The following AP3B1 variants were observed in gnomAD, a reference collection of about 807,000 sequenced individuals.
AP3B1 encodes the protein adaptor related protein complex 3 subunit beta 1.
In AP3B1, 61 loss-of-function variants were observed where a neutral mutation model predicts 132.5. That is an observed-to-expected ratio of 0.46 (90% CI 0.37 to 0.57). The LOEUF is 0.57. Ranked by LOEUF, AP3B1 falls within the 20% of genes least tolerant of loss-of-function variation. The pLI is 0.00. For missense variants in AP3B1, 1,120 were observed against 1,289.4 expected, an observed-to-expected ratio of 0.87 and a Z score of 2.01; for synonymous variants, 388 against 438.3, an observed-to-expected ratio of 0.89 and a Z score of 1.43.
At chr5:78,225,882 A>G (rs116145974) in intron 5 of AP3B1, among the ~76,000 whole-genome samples, 2,238 of 152,136 alleles carry the variant, frequency 0.015, 54 homozygotes, top group African/African-American at 0.051. Flanking sequence ...AAGAGTTGGA[A>G]AACTTCAAGA....
intron 13 of AP3B1, 28 bp downstream of exon 13, chr5:78,162,791 T>C: frequency 1.9e-6 from 3 of 1,611,786 alleles, no homozygotes; most frequent in Non-Finnish European, 1.7e-6. Flanking sequence ...TTAAATCACC[T>C]GAAAATAAAA....
chr5:78,068,220 C>A (rs114733507), intron 22 of AP3B1, among the ~76,000 whole-genome samples: 2 of 151,970 alleles, frequency 1.3e-5, no homozygotes, highest in South Asian at 2.1e-4. Flanking sequence ...GCTATCGGGA[C>A]GCTAAGGCAA....
intron 11 of AP3B1, among the ~76,000 whole-genome samples, chr5:78,171,705 C>A (rs900173474): frequency 6.6e-6 from 1 of 152,186 alleles, no homozygotes; most frequent in African/African-American, 2.4e-5. Context: ...TTGACTTCCT[C>A]TTTTCCTAAT....
At chr5:78,088,766 G>A (rs1287699304) in intron 22 of AP3B1, among the ~76,000 whole-genome samples, 1 of 152,176 alleles carries the variant, frequency 6.6e-6, no homozygotes, top group Admixed American at 6.5e-5. Context: ...TTGATTTACA[G>A]TGAAAAGTTA....
chr5:78,281,434 C>CAAAAAA (rs36002317), intron 1 of AP3B1, among the ~76,000 whole-genome samples: 6 of 68,250 alleles, frequency 8.8e-5, no homozygotes, highest in African/African-American at 1.2e-4. Context: ...AACTCTGCCT[C>CAAAAAA]AAAAAAAAAA....
intron 3 of AP3B1, among the ~76,000 whole-genome samples, chr5:78,233,647 A>T (rs1372707271): frequency 6.6e-6 from 1 of 152,170 alleles, no homozygotes; most frequent in African/African-American, 2.4e-5. Context: ...CTTCACCTCA[A>T]TCTGCTATAA....
At chr5:78,234,029 C>G (rs1283544891) in intron 3 of AP3B1, among the ~76,000 whole-genome samples, 1 of 151,966 alleles carries the variant, frequency 6.6e-6, no homozygotes, top group Non-Finnish European at 1.5e-5. Context: ...TGTTTTTTAA[C>G]CCCAATTGCA....
chr5:78,160,460 G>A (rs1743343316), intron 13 of AP3B1, among the ~76,000 whole-genome samples: 1 of 152,042 alleles, frequency 6.6e-6, no homozygotes, highest in Non-Finnish European at 1.5e-5. Context: ...AGTAATAATA[G>A]GCTGTTTTAG....
At chr5:78,001,111 G>C (rs1746193017), downstream of AP3B1, 1 of 152,090 alleles carries the variant, frequency 6.6e-6, no homozygotes, top group Non-Finnish European at 1.5e-5. Context: ...ACAAATGTGT[G>C]AACTATCTTT....
intron 14 of AP3B1, among the ~76,000 whole-genome samples, chr5:78,141,819 A>G (rs1753160434): frequency 6.6e-6 from 1 of 152,212 alleles, no homozygotes; most frequent in Non-Finnish European, 1.5e-5. Flanking sequence ...CTTACTAAAA[A>G]GACAGGTCCT....
intron 1 of AP3B1, among the ~76,000 whole-genome samples, chr5:78,280,812 T>C (rs1749017373): frequency 6.6e-6 from 1 of 152,186 alleles, no homozygotes; most frequent in Non-Finnish European, 1.5e-5. Flanking sequence ...CTGATGCACT[T>C]GGAAATCTCA....
chr5:78,242,579 G>GT (rs1747186199), intron 2 of AP3B1, among the ~76,000 whole-genome samples: 1 of 151,908 alleles, frequency 6.6e-6, no homozygotes, highest in African/African-American at 2.4e-5. Flanking sequence ...GCTAATTTTT[G>GT]TATTTTTAGT....
chr5:78,131,466 T>C (rs1208040402), intron 15 of AP3B1, among the ~76,000 whole-genome samples: 3 of 152,080 alleles, frequency 2.0e-5, no homozygotes, highest in South Asian at 2.1e-4. Context: ...GCTTTTATGT[T>C]AAAAACTGTC....
rs1430319248 is a variant in AP3B1 at position 78,118,207 on chromosome 5, A to G, written c.1969-1973T>C. Reference sequence around the variant, plus strand: ...ATTTAAAAAATCTCCAGGAGGGTGGAGCCAAGATGGCCGAATAGGAACAGC... The same window carrying G: ...ATTTAAAAAATCTCCAGGAGGGTGGGGCCAAGATGGCCGAATAGGAACAGC... On this transcript the variant is annotated intron_variant, in intron 17 of 26. Coordinates refer to ENST00000255194, the MANE Select transcript of AP3B1 (RefSeq NM_003664.5). Among the ~76,000 whole-genome samples the G allele has an allele frequency of 2.6e-5, 4 of 152,208 alleles. No homozygotes were observed. In the East Asian group the frequency reaches 5.8e-4, roughly 22 times the overall value.
chr5:78,228,720 C>T (rs937664790), intron 3 of AP3B1, among the ~76,000 whole-genome samples: 6 of 152,054 alleles, frequency 3.9e-5, no homozygotes, highest in African/African-American at 1.4e-4. Flanking sequence ...GAATTTGGGC[C>T]CAGGCCACTA....
chr5:78,142,933 C>T (rs1753216599), intron 14 of AP3B1, among the ~76,000 whole-genome samples: 3 of 152,040 alleles, frequency 2.0e-5, no homozygotes, highest in Admixed American at 2.0e-4. Flanking sequence ...AGACCTTACT[C>T]CCAATCTATT....
chr5:78,093,782 C>T (rs772706363), intron 21 of AP3B1, among the ~76,000 whole-genome samples: 17 of 152,208 alleles, frequency 1.1e-4, no homozygotes, highest in Non-Finnish European at 2.4e-4. Flanking sequence ...TTACGTATAT[C>T]AAGTCATTTC....
At chr5:78,051,825 A>G (rs1176020292) in intron 22 of AP3B1, among the ~76,000 whole-genome samples, 1 of 152,178 alleles carries the variant, frequency 6.6e-6, no homozygotes, top group African/African-American at 2.4e-5. Context: ...AAATAGCTAT[A>G]AACAGAGGCA....
chr5:78,263,790 T>C (rs1748201504), intron 2 of AP3B1, among the ~76,000 whole-genome samples: 1 of 152,254 alleles, frequency 6.6e-6, no homozygotes, highest in African/African-American at 2.4e-5. Context: ...TAATGTGGTA[T>C]ATTACAATGA....
Sources: allele counts gnomAD v4.1 joint callset (sites outside exome capture counted in the v4.1 genomes callset), GRCh38; gene constraint gnomAD v4.1.1; transcripts MANE v1.5; gene names NCBI Gene and HGNC (gene_info 2026-07-23, HGNC 2026-07-21).